The following TMIGD3 variants were observed in gnomAD, a reference collection of about 807,000 sequenced individuals.
TMIGD3 encodes the protein transmembrane and immunoglobulin domain containing 3, also known as AD026 protein (AD026).
In TMIGD3, 21 loss-of-function variants were observed where a neutral mutation model predicts 28.1. That is an observed-to-expected ratio of 0.75 (90% CI 0.53 to 1.08). The LOEUF (loss-of-function observed/expected upper bound fraction) is 1.08, where lower values mean the gene tolerates loss of function less well. Among genes scored for constraint, TMIGD3 ranks in the 50% least tolerant of loss-of-function variants. The pLI is 0.00. For synonymous variants in TMIGD3, 151 were observed against 162.1 expected (o/e 0.93, Z 0.52); for missense variants, 416 against 435.6 (o/e 0.96, Z 0.40).
At chr1:111,502,733 A>G (rs1362291420) in intron 1 of TMIGD3, among the ~76,000 whole-genome samples, 1 of 151,670 alleles carries the variant, frequency 6.6e-6, no homozygotes, top group Non-Finnish European at 1.5e-5. Context: ...CATCATTTTT[A>G]GCCAAGGATT....
At chr1:111,528,994 C>CT (rs1557836977) in intron 1 of TMIGD3, among the ~76,000 whole-genome samples, 3 of 151,866 alleles carry the variant, frequency 2.0e-5, no homozygotes, top group Admixed American at 2.0e-4. Flanking sequence ...ATCTGTGTAC[C>CT]TTTTTTTCTT....
intron 1 of TMIGD3, among the ~76,000 whole-genome samples, chr1:111,545,753 G>A (rs1258727887): frequency 1.3e-5 from 2 of 152,086 alleles, no homozygotes; most frequent in Non-Finnish European, 2.9e-5. Flanking sequence ...TGTTATTTTA[G>A]CTCTTATAGT....
At chr1:111,511,161 C>T (rs765364730) in intron 1 of TMIGD3, among the ~76,000 whole-genome samples, 2 of 152,202 alleles carry the variant, frequency 1.3e-5, no homozygotes, top group Non-Finnish European at 2.9e-5. Context: ...TTACACATTC[C>T]TCTCTTGGAG....
At chr1:111,555,016 A>C (rs946673949) in intron 1 of TMIGD3, among the ~76,000 whole-genome samples, 1 of 152,108 alleles carries the variant, frequency 6.6e-6, no homozygotes, top group Non-Finnish European at 1.5e-5. Context: ...TATATAACAC[A>C]TTTAAAAGTA....
At chr1:111,555,952 G>A (rs923428797) in intron 1 of TMIGD3, among the ~76,000 whole-genome samples, 13 of 152,106 alleles carry the variant, frequency 8.5e-5, no homozygotes, top group African/African-American at 3.1e-4. Context: ...TGCATCAAAG[G>A]ACACTATTGA....
chr1:111,532,897 G>A (rs1364766624), intron 1 of TMIGD3, among the ~76,000 whole-genome samples: 1 of 152,224 alleles, frequency 6.6e-6, no homozygotes, highest in African/African-American at 2.4e-5. Flanking sequence ...ATCTATTGGA[G>A]TGAGACTACC....
chr1:111,524,398 T>C (rs539375677), intron 1 of TMIGD3, among the ~76,000 whole-genome samples: 2 of 152,126 alleles, frequency 1.3e-5, no homozygotes, highest in Non-Finnish European at 2.9e-5. Flanking sequence ...TAAAAAAAAT[T>C]TTAAATGACA....
At chr1:111,487,400 C>T (rs1027859130) in intron 3 of TMIGD3, among the ~76,000 whole-genome samples, 2 of 152,106 alleles carry the variant, frequency 1.3e-5, no homozygotes, top group Admixed American at 6.5e-5. Flanking sequence ...CCAAGGGCAC[C>T]CCTTAAGCCC....
intron 3 of TMIGD3, 122 bp from the exon 4 acceptor site, chr1:111,486,774 A>G: frequency 2.5e-6 from 2 of 815,746 alleles, no homozygotes; most frequent in Non-Finnish European, 2.1e-6. Flanking sequence ...TTGACTCCAG[A>G]GTAAAGCAGA....
intron 1 of TMIGD3, among the ~76,000 whole-genome samples, chr1:111,531,790 G>A (rs954186168): frequency 1.6e-4 from 25 of 151,990 alleles, no homozygotes; most frequent in African/African-American, 6.0e-4. Context: ...GAGCTTAAGC[G>A]ATCCTACTGC....
chr1:111,505,796 A>G (rs555314116), upstream of TMIGD3, among the ~76,000 whole-genome samples: 49 of 152,192 alleles, frequency 3.2e-4, no homozygotes, highest in Non-Finnish European at 6.0e-4. Context: ...CTCCATGCCC[A>G]GGATGACCCC....
rs1323121238 is a variant in TMIGD3, at chr1:111,502,119, TATATAGGATATATATTTAATATAATAA to T, written c.350+859_350+885del. On this transcript the variant is annotated intron_variant, in intron 1 of 5. Coordinates refer to ENST00000369716, the MANE Select transcript of TMIGD3 (RefSeq NM_020683.7). Reference sequence around the variant, plus strand: ...GGAGATATATATTTAATATAATAAATATATAGGATATATATTTAATATAATAAATATATAGGATATATATTTATTATA... The same window carrying T: ...GGAGATATATATTTAATATAATAAATATATATAGGATATATATTTATTATA... Among the ~76,000 whole-genome samples, 239 of 98,354 alleles carry T rather than the reference TATATAGGATATATATTTAATATAATAA, an allele frequency of 2.4e-3. 3 individuals carry two copies. The highest frequency in any genetic ancestry group is 7.3e-3 in the African/African-American group (197 of 26,842). The allele number at this position is 98,354 out of a possible 152,430, so 64.5% of individuals were successfully genotyped here. A position where few individuals can be genotyped will look rare whatever the true frequency, so the allele number is the denominator to read the frequency against.
chr1:111,483,631 A>G lies in TMIGD3; in HGVS notation c.*56T>C. 3 of 1,383,450 alleles carry G rather than the reference A, an allele frequency of 2.2e-6. No homozygotes were observed. The highest frequency in any genetic ancestry group is 2.4e-5 in the South Asian group (2 of 84,422). 85.7% of individuals were successfully genotyped at this position (1,383,450 alleles called of 1,614,324 possible). A position where few individuals can be genotyped will look rare whatever the true frequency, so the allele number is the denominator to read the frequency against. On this transcript the variant is annotated 3_prime_UTR_variant, in exon 6 of 6. Coordinates refer to ENST00000369716, the MANE Select transcript of TMIGD3 (RefSeq NM_020683.7). ...GTCTCTGAGGTGTGGGCCAGTTGTC[A>G]TGGTGATTATTCTGTTGTAGCATCA...
At position 111,549,971 on chromosome 1, in the gene TMIGD3, TG is replaced by T. The variant is rs1251516067; in HGVS notation, c.107+13874del. On this transcript the variant is annotated intron_variant, in intron 1 of 5. Transcript: ENST00000369717. ...CCAGCCTTGTTTTGGGTTTTTTTGT[TG>T]GAAGTTTTTTGATTACTGATTCAAT... Among the ~76,000 whole-genome samples the T allele has an allele frequency of 2.0e-5, 3 of 152,278 alleles. No individual in the cohort carries two copies. In the East Asian group the frequency reaches 5.8e-4, roughly 29 times the overall value.
intron 1 of TMIGD3, among the ~76,000 whole-genome samples, chr1:111,553,376 G>T (rs1427415652): frequency 6.6e-6 from 1 of 152,184 alleles, no homozygotes; most frequent in East Asian, 1.9e-4. Context: ...ATGGGGAATG[G>T]ATATGAAACT....
At chr1:111,492,918 A>C (rs1654734463) in intron 1 of TMIGD3, among the ~76,000 whole-genome samples, 1 of 152,154 alleles carries the variant, frequency 6.6e-6, no homozygotes, top group South Asian at 2.1e-4. Context: ...TTGGTGTATT[A>C]ATTCCATAGA....
At chr1:111,538,753 G>A (rs955374239) in intron 1 of TMIGD3, among the ~76,000 whole-genome samples, 4 of 152,132 alleles carry the variant, frequency 2.6e-5, no homozygotes, top group Admixed American at 6.5e-5. Context: ...AAGGGTTCAC[G>A]GGGCCTCTGG....
chr1:111,545,440 C>T (rs1657001269), intron 1 of TMIGD3, among the ~76,000 whole-genome samples: 6 of 152,074 alleles, frequency 3.9e-5, no homozygotes, highest in Admixed American at 1.3e-4. Flanking sequence ...AATATCTGTT[C>T]GAGTCCTTTG....
chr1:111,562,140 T>C (rs374324530), intron 1 of TMIGD3, among the ~76,000 whole-genome samples: 1 of 152,194 alleles, frequency 6.6e-6, no homozygotes. Context: ...AGATGGTCTT[T>C]TCTTGTGGGC....
Sources: allele counts gnomAD v4.1 joint callset (sites outside exome capture counted in the v4.1 genomes callset), GRCh38; gene constraint gnomAD v4.1.1; transcripts MANE v1.5; gene names NCBI Gene and HGNC (gene_info 2026-07-23, HGNC 2026-07-21).